ZNF839: variants seen among roughly 807,000 people sequenced by gnomAD.
The protein encoded by ZNF839 is renal carcinoma antigen NY-REN-50.
ZNF839 carries 38 observed loss-of-function variants against 56.4 expected under a neutral mutation model. The ratio of observed to expected loss-of-function variants is 0.67; its 90% CI spans 0.52 to 0.88. The LOEUF is 0.88. Among genes scored for constraint, ZNF839 ranks in the 40% least tolerant of loss-of-function variants. The pLI, the probability that ZNF839 is intolerant of heterozygous loss-of-function variation, is 0.00. For synonymous variants in ZNF839, 486 were observed against 493.5 expected, an observed-to-expected ratio of 0.98 and a Z score of 0.20; for missense variants, 1,091 against 1,177.6, an observed-to-expected ratio of 0.93 and a Z score of 1.08.
At chr14:102,335,603 C>G in intron 4 of ZNF839, 86 bp from the exon 5 acceptor site, 1 of 1,412,934 alleles carries the variant, frequency 7.1e-7, no homozygotes, top group East Asian at 2.5e-5. Flanking sequence ...GGTTAAGGAA[C>G]CGAAACTTTG....
Position 102,342,271 on chromosome 14 carries a change from T to A in ZNF839, c.*92T>A, listed in dbSNP as rs763506653. 5.6e-5 allele frequency: 83 copies of A among 1,481,482 alleles called. No individual in the cohort carries two copies. The highest frequency in any genetic ancestry group is 7.1e-5 in the Non-Finnish European group (78 of 1,105,104). 91.8% of individuals were successfully genotyped at this position (1,481,482 alleles called of 1,614,324 possible). On this transcript the variant is annotated 3_prime_UTR_variant, in exon 8 of 8. Transcript: ENST00000442396. ...GAGTCAGATCCTAGATTCGTCTGAT[T>A]TTATCCAGAGAAGGTCTATGGCAAG...
At chr14:102,320,671 G>A (rs988713243) in intron 1 of ZNF839, among the ~76,000 whole-genome samples, 4 of 152,228 alleles carry the variant, frequency 2.6e-5, no homozygotes, top group African/African-American at 9.7e-5. Flanking sequence ...TGACTGATTT[G>A]TAACCGCAGT....
In ZNF839 at chr14:102,341,631, T is replaced by G. The variant is rs779296604; in HGVS notation, c.2236T>G (p.Phe746Val). The G allele has an allele frequency of 1.4e-5, 22 of 1,613,964 alleles. No individual in the cohort carries two copies. Among genetic ancestry groups the G allele is most frequent in the Non-Finnish European group, 1.9e-5 (22 of 1,179,884 alleles). ...DTWDSLRSPG[F>V]CSPLSSGGGA... The stretch of plus-strand genomic sequence containing the variant: ...CTGGGACAGCCTGAGGAGCCCGGGT[T>G]TCTGCAGCCCTTTGTCATCTGGTGG... Residue 746 changes from phenylalanine to valine, a missense_variant, in exon 8 of 8, where the codon TTC (phenylalanine) becomes GTC (valine). This residue lies in a region of ZNF839 where 431 missense variants were observed against 468.0 expected (regional missense o/e 0.92). Transcript: ENST00000442396.
At chr14:102,317,959 C>T (rs976223684), upstream of ZNF839, among the ~76,000 whole-genome samples, 2 of 152,172 alleles carry the variant, frequency 1.3e-5, no homozygotes, top group Non-Finnish European at 2.9e-5. Flanking sequence ...TGTCAGGATC[C>T]GGCAAGGGCT....
chr14:102,326,558 G>A lies in ZNF839; in HGVS notation c.862G>A (p.Val288Met). ...SDSDDYSELCVEEDEDQRERH... is the reference protein window; with the variant it reads ...SDSDDYSELCMEEDEDQRERH... ...TTCTGATGATTACTCAGAACTCTGT[G>A]TGGAAGAAGATGAAGATCAGAGGGA... The change falls in exon 2 of 8, where the codon GTG (valine) becomes ATG (methionine). Residue 288 changes from valine (V) to methionine (M), a missense_variant. Coordinates refer to ENST00000442396, the MANE Select transcript of ZNF839 (RefSeq NM_018335.6). This position sits in a 1 kb window ranked among gnomAD's most constrained non-coding sequence, Gnocchi z 4.3. 6.2e-7 allele frequency: 1 copy of A among 1,614,016 alleles called. No homozygotes were observed. Among genetic ancestry groups the A allele is most frequent in the Non-Finnish European group, 8.5e-7 (1 of 1,179,890 alleles).
rs547704279 is a variant in ZNF839 at position 102,332,683 on chromosome 14, G to A, written c.1416+837G>A. 1.1e-4 allele frequency among the ~76,000 whole-genome samples: 17 copies of A among 152,068 alleles called. No homozygotes were observed. Among genetic ancestry groups the A allele is most frequent in the South Asian group, 1.0e-3 (5 of 4,814 alleles). On this transcript the variant is annotated intron_variant, in intron 3 of 7. Coordinates refer to ENST00000442396, the MANE Select transcript of ZNF839 (RefSeq NM_018335.6). The surrounding 1 kb of genome is among the most constrained non-coding windows in gnomAD (Gnocchi z 4.9). ...CCAGCACTTTGGGAGGCCGAGGTGG[G>A]CGGATCACCTGAAGTCAGGAGTTCG...
rs762234708 is a variant in ZNF839, at chr14:102,326,441, C to T, written c.745C>T (p.Arg249Cys). 9 of 1,613,946 alleles carry T rather than the reference C, an allele frequency of 5.6e-6. No individual in the cohort carries two copies. In the Admixed American group the frequency reaches 8.3e-5, roughly 15 times the overall value. The change falls in exon 2 of 8, where the codon CGT (arginine) becomes TGT (cysteine). Residue 249 changes from arginine (R) to cysteine (C), a missense_variant. Transcript: ENST00000442396. This position sits in a 1 kb window ranked among gnomAD's most constrained non-coding sequence, Gnocchi z 4.3. ...AAAAAAATCGTTAAAAGTAAAGACA[C>T]GTTCTGGACGGGTATCTCGACCTCC... ...KLKKSLKVKTRSGRVSRPPKY... is the reference protein window; with the variant it reads ...KLKKSLKVKTCSGRVSRPPKY...
Position 102,341,747 on chromosome 14 carries a change from G to A in ZNF839, c.2352G>A (p.Gln784=), listed in dbSNP as rs140180484. 35 of 1,613,878 alleles carry A rather than the reference G, an allele frequency of 2.2e-5. No individual in the cohort carries two copies. Among genetic ancestry groups the A allele is most frequent in the African/African-American group, 8.0e-5 (6 of 74,916 alleles). ...GTGACTTCCACCTGAACCACCAGCA[G>A]CCCAGCCCCACCAGCGTCCTGCCTA... ...KVCDFHLNHQ[Q]PSPTSVLPTE... Residue 784 remains glutamine, a synonymous_variant, in exon 8 of 8, where the codon CAG becomes CAA. Transcript: ENST00000442396.
rs754862214 is a variant in ZNF839 at position 102,326,354 on chromosome 14, C to G, written c.658C>G (p.Leu220Val). The change falls in exon 2 of 8, where the codon CTT (leucine) becomes GTT (valine). Residue 220 changes from leucine (L) to valine (V), a missense_variant. Coordinates refer to ENST00000442396, the MANE Select transcript of ZNF839 (RefSeq NM_018335.6). The surrounding 1 kb of genome is among the most constrained non-coding windows in gnomAD (Gnocchi z 4.3). ...SASDPLAVTS[L>V]SSSSAHPFIS... ...CTCTGACCCGCTGGCAGTAACATCT[C>G]TTTCATCCAGTTCAGCACATCCATT... 6 of 1,609,938 alleles carry G rather than the reference C, an allele frequency of 3.7e-6. No individual in the cohort carries two copies. The African/African-American group carries it at 4.0e-5, about 11-fold the overall frequency.
chr14:102,321,903 G>T (rs1456974337), intron 1 of ZNF839, among the ~76,000 whole-genome samples: 3 of 152,122 alleles, frequency 2.0e-5, no homozygotes, highest in African/African-American at 7.2e-5. Context: ...CCCAGTGTTC[G>T]CTGTGGGGGT....
At position 102,341,932 on chromosome 14, in the gene ZNF839, G is replaced by C. The variant is rs755669026; in HGVS notation, c.2537G>C (p.Arg846Pro). 7.9e-5 allele frequency: 128 copies of C among 1,613,932 alleles called. No homozygotes were observed. Among genetic ancestry groups the C allele is most frequent in the Non-Finnish European group, 1.1e-4 (126 of 1,179,902 alleles). ...CLRSLSGDLN[R>P]FPCGMEVHSG... ...AGAAGCCTTTCGGGGGACTTGAACC[G>C]GTTCCCCTGTGGGATGGAGGTGCAC... Residue 846 changes from arginine to proline, a missense_variant, in exon 8 of 8, where the codon CGG becomes CCG. Around this residue, in one of 3 missense-constraint regions of ZNF839, gnomAD observed 431 missense variants for 468.0 expected, o/e 0.92. Coordinates refer to ENST00000442396, the MANE Select transcript of ZNF839 (RefSeq NM_018335.6).
intron 1 of ZNF839, among the ~76,000 whole-genome samples, chr14:102,323,004 A>G (rs2073213097): frequency 6.6e-6 from 1 of 151,712 alleles, no homozygotes; most frequent in African/African-American, 2.4e-5. Flanking sequence ...GACCTCTGCT[A>G]TTTGTACTAG....
At chr14:102,335,547 C>G in intron 4 of ZNF839, 142 bp from the exon 5 acceptor site, 1 of 768,598 alleles carries the variant, frequency 1.3e-6, no homozygotes, top group East Asian at 2.7e-5. Flanking sequence ...ACAGTAGGTG[C>G]TCACTGGGGA....
At chr14:102,317,932 A>G (rs143012616), upstream of ZNF839, among the ~76,000 whole-genome samples, 550 of 152,286 alleles carry the variant, frequency 3.6e-3, 6 homozygotes, top group African/African-American at 0.013. Context: ...CGGTTGTATA[A>G]GGTTGATGCC....
At chr14:102,333,709 A>G (rs1197770174) in intron 3 of ZNF839, among the ~76,000 whole-genome samples, 1 of 151,526 alleles carries the variant, frequency 6.6e-6, no homozygotes, top group East Asian at 1.9e-4. Flanking sequence ...ACAGACTCCC[A>G]CGCTTCCCGT....
rs2073041281 is a variant in ZNF839 at position 102,320,072 on chromosome 14, C to G, written c.288+19C>G. On this transcript the variant is annotated intron_variant, in intron 1 of 7. Coordinates refer to ENST00000442396, the MANE Select transcript of ZNF839 (RefSeq NM_018335.6). ...GCCCCAGGTGAGGCGTCGGGAGGGA[C>G]GTGGGGAAACTGAGGCCCGAAGGGG... 1 of 1,181,740 alleles carries G rather than the reference C, an allele frequency of 8.5e-7. No homozygotes were observed. The highest frequency in any genetic ancestry group is 1.6e-5 in the African/African-American group (1 of 62,448). The allele number at this position is 1,181,740 out of a possible 1,614,324, so 73.2% of individuals were successfully genotyped here. A position where few individuals can be genotyped will look rare whatever the true frequency, so the allele number is the denominator to read the frequency against.
intron 4 of ZNF839, 90 bp downstream of exon 4, chr14:102,334,736 C>G: frequency 4.5e-6 from 3 of 671,094 alleles, no homozygotes; most frequent in Non-Finnish European, 6.6e-6. Flanking sequence ...TTTTCAATAG[C>G]CTGCATAGTT....
At chr14:102,322,728 C>G (rs973038953) in intron 1 of ZNF839, among the ~76,000 whole-genome samples, 1 of 152,064 alleles carries the variant, frequency 6.6e-6, no homozygotes, top group African/African-American at 2.4e-5. Flanking sequence ...TCATGCCTGG[C>G]TAATTTAAAA....
chr14:102,341,965 A>G lies in ZNF839; in HGVS notation c.2570A>G (p.Gln857Arg). The G allele has an allele frequency of 6.2e-7, 1 of 1,614,056 alleles. No homozygotes were observed. Among genetic ancestry groups the G allele is most frequent in the Non-Finnish European group, 8.5e-7 (1 of 1,179,888 alleles). The change falls in exon 8 of 8, where the codon CAG becomes CGG. Residue 857 changes from glutamine (Q) to arginine (R), a missense_variant. Gln to Arg is a conservative substitution (Grantham distance 43). Transcript: ENST00000442396. ...FPCGMEVHSG[Q>R]RELESVVAVG... ...TGTGGGATGGAGGTGCACTCTGGCCAGAGAGAACTGGAGAGCGTGGTTGCT... is the reference window on the plus strand; with the variant it reads ...TGTGGGATGGAGGTGCACTCTGGCCGGAGAGAACTGGAGAGCGTGGTTGCT...
Sources: gnomAD v4.1 joint callset for allele counts (sites outside exome capture counted in the v4.1 genomes callset) on GRCh38, gnomAD v4.1.1 for gene constraint, gnomAD v4.1.1 regional missense constraint, Gnocchi (gnomAD v3.1) non-coding constraint, MANE v1.5 for transcripts, NCBI Gene and HGNC (gene_info 2026-07-23, HGNC 2026-07-21) for gene names.